SEMA4D: variants seen among roughly 807,000 people sequenced by gnomAD.
SEMA4D encodes semaphorin-4D.
Under a neutral mutation model 74.8 loss-of-function variants are expected in SEMA4D, and 22 were observed. The observed-to-expected ratio is 0.29, with a 90% CI of 0.21 to 0.42. The LOEUF is 0.42. SEMA4D is among the 10% of genes least tolerant of loss of function. The probability of loss-of-function intolerance (pLI) is 1.00; values close to 1 mark genes in which losing one functional copy is unlikely to be tolerated. For synonymous variants in SEMA4D, 445 were observed against 463.7 expected, an observed-to-expected ratio of 0.96 and a Z score of 0.52; for missense variants, 937 against 1,118.4, an observed-to-expected ratio of 0.84 and a Z score of 2.31.
At chr9:89,400,982 A>ACGCGCGAGGGG (rs2133560810) in intron 4 of SEMA4D, among the ~76,000 whole-genome samples, 1 of 152,316 alleles carries the variant, frequency 6.6e-6, no homozygotes, top group African/African-American at 2.4e-5. Flanking sequence ...TTTAACAGAC[A>ACGCGCGAGGGG]CGCGAAGAGT....
At chr9:89,365,509 A>G (rs1833498163) in intron 16 of SEMA4D, 2 of 152,356 alleles carry the variant, frequency 1.3e-5, no homozygotes, top group Admixed American at 6.5e-5. Flanking sequence ...CTGCTTGACC[A>G]TGACACCTCG....
chr9:89,434,872 T>C (rs1220186145), intron 2 of SEMA4D, among the ~76,000 whole-genome samples: 2 of 152,222 alleles, frequency 1.3e-5, no homozygotes, highest in Admixed American at 6.5e-5. Flanking sequence ...CCAGGCCCTG[T>C]CTAAAGGGGC....
intron 6 of SEMA4D, among the ~76,000 whole-genome samples, chr9:89,395,207 C>A (rs912459458): frequency 1.1e-4 from 17 of 152,132 alleles, no homozygotes; most frequent in African/African-American, 4.1e-4. Flanking sequence ...GGGTGGATCA[C>A]CTCAGGTCAG....
At chr9:89,432,564 T>C (rs538728751) in intron 2 of SEMA4D, among the ~76,000 whole-genome samples, 7 of 152,202 alleles carry the variant, frequency 4.6e-5, no homozygotes, top group Non-Finnish European at 8.8e-5. Context: ...CCGTGGGGAT[T>C]TGCAGGCCCT....
At position 89,396,827 on chromosome 9, in the gene SEMA4D, G is replaced by A; in HGVS notation, c.324C>T (p.Cys108=). Residue 108 remains cysteine (C), a synonymous_variant, in exon 6 of 16, where the codon TGC becomes TGT. Transcript: ENST00000422704. ...AEKGKSKQTE[C]LNYIRVLQPL... ...GCTGCAGCACCCGGATGTAGTTGAG[G>A]CACTCTGTCTGCAGGGAAGAGAAAT... 2 of 1,613,422 alleles carry A rather than the reference G, an allele frequency of 1.2e-6. No homozygotes were observed. The highest frequency in any genetic ancestry group is 1.1e-5 in the South Asian group (1 of 90,928).
chr9:89,444,272 C>T (rs549123928), intron 2 of SEMA4D, among the ~76,000 whole-genome samples: 3 of 152,298 alleles, frequency 2.0e-5, no homozygotes, highest in African/African-American at 7.2e-5. Context: ...ACAGTGTACC[C>T]ACCCTTATCA....
intron 2 of SEMA4D, among the ~76,000 whole-genome samples, chr9:89,416,104 C>T (rs962063261): frequency 1.3e-5 from 2 of 152,110 alleles, no homozygotes; most frequent in African/African-American, 4.8e-5. Flanking sequence ...ATAAAATACC[C>T]ATTATTGTCC....
rs1204102495 is a variant in SEMA4D, at chr9:89,381,342, T to A, written c.1451A>T (p.Asn484Ile). Residue 484 changes from asparagine to isoleucine, a missense_variant, in exon 14 of 16, where the codon AAC (asparagine) becomes ATC (isoleucine). By Grantham distance (149) the Asn-to-Ile change is moderately radical (BLOSUM62 -3). Coordinates refer to ENST00000422704, the MANE Select transcript of SEMA4D (RefSeq NM_001371194.2). This position sits in a 1 kb window ranked among gnomAD's most constrained non-coding sequence, Gnocchi z 4.6. ...GTTAGAGCCAGCATAGACAAACCTG[T>A]TGCCCTGCGTGTATGAGACAGAGAA... ...QTLLLSSKKGNRFVYAGSNSG... is the reference protein window; with the variant it reads ...QTLLLSSKKGIRFVYAGSNSG... 2.0e-6 allele frequency: 3 copies of A among 1,474,312 alleles called. No individual in the cohort carries two copies. The highest frequency in any genetic ancestry group is 9.0e-7 in the Non-Finnish European group (1 of 1,108,496). 91.3% of individuals were successfully genotyped at this position (1,474,312 alleles called of 1,614,324 possible).
At chr9:89,460,342 C>T (rs1856923413) in intron 1 of SEMA4D, among the ~76,000 whole-genome samples, 1 of 152,246 alleles carries the variant, frequency 6.6e-6, no homozygotes, top group African/African-American at 2.4e-5. Context: ...AGCCCTTTGG[C>T]CTAACCTTTC....
At chr9:89,472,020 AGGTGCATGCCAGCTCG>A (rs1192995066) in intron 1 of SEMA4D, among the ~76,000 whole-genome samples, 1 of 152,330 alleles carries the variant, frequency 6.6e-6, no homozygotes, top group Admixed American at 6.5e-5. Context: ...ATACAGGCTG[AGGTGCATGCCAGCTCG>A]GGTGCATGCC....
At chr9:89,445,556 GT>G (rs201077997) in intron 2 of SEMA4D, among the ~76,000 whole-genome samples, 3,305 of 152,258 alleles carry the variant, frequency 0.022, 49 homozygotes, top group Non-Finnish European at 0.033. Flanking sequence ...TTGCTTTGTG[GT>G]TCTTTGGTTA....
chr9:89,385,504 G>A (rs999342986), intron 13 of SEMA4D: 1 of 985,252 alleles, frequency 1.0e-6, no homozygotes, highest in Non-Finnish European at 1.2e-6. Flanking sequence ...CCGAGAGGCT[G>A]GTGAACAGAT....
intron 6 of SEMA4D, among the ~76,000 whole-genome samples, chr9:89,394,090 CAT>C (rs541644051): frequency 2.6e-5 from 4 of 152,226 alleles, no homozygotes; most frequent in African/African-American, 4.8e-5. Flanking sequence ...AGCAGAAAAA[CAT>C]AAACAGGCAG....
chr9:89,492,061 C>A lies in SEMA4D; in HGVS notation c.-310+5858G>T, dbSNP rs1261073807. ...TCCCTCAGCCCTATCTGCCCATGAC[C>A]CCCCTCCACTTCCCCACTGCCCTTC... On this transcript the variant is annotated intron_variant, in intron 1 of 15. Coordinates refer to ENST00000422704, the MANE Select transcript of SEMA4D (RefSeq NM_001371194.2). This position sits in a 1 kb window ranked among gnomAD's most constrained non-coding sequence, Gnocchi z 4.3. Among the ~76,000 whole-genome samples the A allele has an allele frequency of 6.6e-6, 1 of 152,164 alleles. No homozygotes were observed. Among genetic ancestry groups the A allele is most frequent in the African/African-American group, 2.4e-5 (1 of 41,424 alleles).
Position 89,467,530 on chromosome 9 carries a change from G to GT in SEMA4D, c.-309-11578_-309-11577insA, listed in dbSNP as rs1256771251. ...GGGGGAACCACACCTGGGAGCGCAT[G>GT]ATTTTTTTTTTTTTTTTTTGAGACA... On this transcript the variant is annotated intron_variant, in intron 1 of 15. Coordinates refer to ENST00000422704, the MANE Select transcript of SEMA4D (RefSeq NM_001371194.2). Among the ~76,000 whole-genome samples the GT allele has an allele frequency of 1.1e-3, 147 of 137,502 alleles. 1 individual carries two copies. The highest frequency in any genetic ancestry group is 1.3e-3 in the Non-Finnish European group (82 of 62,990). The allele number at this position is 137,502 out of a possible 152,430, so 90.2% of individuals were successfully genotyped here. A position where few individuals can be genotyped will look rare whatever the true frequency, so the allele number is the denominator to read the frequency against.
chr9:89,381,031 A>G lies in SEMA4D; in HGVS notation c.1663+24T>C. ...CAAGACCTCGCCACTCCCAAAGGAA[A>G]TGGGACGTCGAGGAGTCACTCACCC... On this transcript the variant is annotated intron_variant, in intron 15 of 15. Transcript: ENST00000422704. This position sits in a 1 kb window ranked among gnomAD's most constrained non-coding sequence, Gnocchi z 4.6. The G allele has an allele frequency of 6.2e-7, 1 of 1,613,430 alleles. No individual in the cohort carries two copies. Among genetic ancestry groups the G allele is most frequent in the Non-Finnish European group, 8.5e-7 (1 of 1,179,474 alleles).
intron 2 of SEMA4D, among the ~76,000 whole-genome samples, chr9:89,407,775 C>T (rs1188964752): frequency 6.6e-6 from 1 of 152,250 alleles, no homozygotes; most frequent in East Asian, 1.9e-4. Context: ...TACACCTGAA[C>T]ACACAGGGCT....
At chr9:89,369,769 C>T (rs1323160843) in intron 16 of SEMA4D, among the ~76,000 whole-genome samples, 9 of 152,264 alleles carry the variant, frequency 5.9e-5, no homozygotes, top group Admixed American at 1.3e-4. Flanking sequence ...CAGCTCCAGA[C>T]GGCTTTCCTC....
At chr9:89,450,561 A>G in intron 2 of SEMA4D, 2 of 1,032,206 alleles carry the variant, frequency 1.9e-6, no homozygotes, top group Non-Finnish European at 3.1e-6. Flanking sequence ...GCAGATAACC[A>G]GTGGTCCCTT....
Sources: gnomAD v4.1 joint callset for allele counts (sites outside exome capture counted in the v4.1 genomes callset) on GRCh38, gnomAD v4.1.1 for gene constraint, Gnocchi (gnomAD v3.1) non-coding constraint, MANE v1.5 for transcripts, NCBI Gene and HGNC (gene_info 2026-07-23, HGNC 2026-07-21) for gene names.